KCNQ1: variants seen among roughly 807,000 people sequenced by gnomAD.
KCNQ1 encodes the protein potassium voltage-gated channel subfamily KQT member 1.
Under a neutral mutation model 72.4 loss-of-function variants are expected in KCNQ1, and 49 were observed. That is an observed-to-expected ratio of 0.68 (90% confidence interval 0.54 to 0.86). The LOEUF is 0.86. Among genes scored for constraint, KCNQ1 ranks in the 40% least tolerant of loss-of-function variants. The probability of loss-of-function intolerance (pLI) is 0.00; values close to 1 mark genes in which losing one functional copy is unlikely to be tolerated. For missense variants in KCNQ1, 790 were observed against 945.1 expected (o/e 0.84, Z 2.15); for synonymous variants, 450 against 412.6 (o/e 1.09, Z -1.10).
chr11:2,661,836 A>C lies in KCNQ1; in HGVS notation c.1394-125A>C, dbSNP rs2133855735. On this transcript the variant is annotated intron_variant, in intron 10 of 15. Transcript: ENST00000155840. This position sits in a 1 kb window ranked among gnomAD's most constrained non-coding sequence, Gnocchi z 5.9. ...ACACCCAACTATAAAACTGATTGTC[A>C]GGGCTGGAGCTTCCAGGCACAAGCT... The C allele has an allele frequency of 8.0e-7, 1 of 1,245,166 alleles. No individual in the cohort carries two copies. Among genetic ancestry groups the C allele is most frequent in the African/African-American group, 1.5e-5 (1 of 66,806 alleles). The allele number at this position is 1,245,166 out of a possible 1,614,324, so 77.1% of individuals were successfully genotyped here.
chr11:2,576,507 C>T (rs1185472372), intron 6 of KCNQ1, among the ~76,000 whole-genome samples: 2 of 152,244 alleles, frequency 1.3e-5, no homozygotes, highest in African/African-American at 4.8e-5. Context: ...TCTCTACAAA[C>T]AGGAGGCTGC....
chr11:2,777,899 C>T, intron 14 of KCNQ1, 77 bp from the exon 15 acceptor site: 1 of 1,304,966 alleles, frequency 7.7e-7, no homozygotes, highest in South Asian at 1.2e-5. Flanking sequence ...GCCCTACCAC[C>T]CCACTTCCCA....
chr11:2,705,254 G>A (rs894179261), intron 11 of KCNQ1, among the ~76,000 whole-genome samples: 2 of 152,204 alleles, frequency 1.3e-5, no homozygotes, highest in African/African-American at 4.8e-5. Context: ...GAGGCCAGAC[G>A]GGTGGGGGGT....
chr11:2,455,111 T>G (rs1846168567), intron 1 of KCNQ1, among the ~76,000 whole-genome samples: 1 of 151,984 alleles, frequency 6.6e-6, no homozygotes, highest in Admixed American at 6.6e-5. Context: ...TTTTTTTTTT[T>G]TTTTGAGATG....
chr11:2,700,748 C>T (rs1850793648), intron 11 of KCNQ1, among the ~76,000 whole-genome samples: 1 of 152,146 alleles, frequency 6.6e-6, no homozygotes, highest in African/African-American at 2.4e-5. Context: ...CGCCTGCCAG[C>T]GCCCGGCCGG....
At chr11:2,844,172 CT>C (rs1366765389) in intron 15 of KCNQ1, among the ~76,000 whole-genome samples, 1 of 152,224 alleles carries the variant, frequency 6.6e-6, no homozygotes, top group Non-Finnish European at 1.5e-5. Context: ...GGGTGGGACT[CT>C]TCAGGGACAC....
chr11:2,561,431 C>T (rs1031256748), intron 2 of KCNQ1, among the ~76,000 whole-genome samples: 2 of 152,222 alleles, frequency 1.3e-5, no homozygotes, highest in Non-Finnish European at 2.9e-5. Context: ...GGTCGCTTCC[C>T]TCTTGAGCAC....
At chr11:2,556,062 C>T (rs758227105) in intron 2 of KCNQ1, among the ~76,000 whole-genome samples, 24 of 152,186 alleles carry the variant, frequency 1.6e-4, no homozygotes, top group Non-Finnish European at 2.6e-4. Flanking sequence ...GAGGTGGGTT[C>T]GTTCTGAGGC....
chr11:2,540,975 GCA>G (rs904893252), intron 2 of KCNQ1, among the ~76,000 whole-genome samples: 6 of 152,232 alleles, frequency 3.9e-5, no homozygotes, highest in African/African-American at 1.2e-4. Flanking sequence ...GGATGCACAG[GCA>G]CACACGCACA....
intron 9 of KCNQ1, 109 bp downstream of exon 9, chr11:2,587,801 G>T: frequency 6.8e-7 from 1 of 1,477,366 alleles, no homozygotes; most frequent in Admixed American, 1.7e-5. Context: ...GCTTGGTACA[G>T]CCTGTGTCAG....
Position 2,626,032 on chromosome 11 carries a change from T to G in KCNQ1, c.1394-35929T>G. On this transcript the variant is annotated intron_variant, in intron 10 of 15. Coordinates refer to ENST00000155840, the MANE Select transcript of KCNQ1 (RefSeq NM_000218.3). The surrounding 1 kb of genome is among the most constrained non-coding windows in gnomAD (Gnocchi z 4.0). ...TGATATTATTTTAATGCACACAATG[T>G]AAATTTTTAAAATTTATCTAGTTTT... The G allele has an allele frequency of 2.5e-6, 1 of 398,648 alleles. No homozygotes were observed. Among genetic ancestry groups the G allele is most frequent in the East Asian group, 3.6e-5 (1 of 28,084 alleles). 24.7% of individuals were successfully genotyped at this position (398,648 alleles called of 1,614,324 possible).
intron 15 of KCNQ1, among the ~76,000 whole-genome samples, chr11:2,814,349 G>A (rs1371156581): frequency 6.6e-6 from 1 of 151,702 alleles, no homozygotes; most frequent in East Asian, 1.9e-4. Context: ...GTGGAGAGAT[G>A]GATGAATGGA....
At chr11:2,811,447 G>A (rs1847483928) in intron 15 of KCNQ1, among the ~76,000 whole-genome samples, 1 of 152,250 alleles carries the variant, frequency 6.6e-6, no homozygotes, top group South Asian at 2.1e-4. Flanking sequence ...GGGCCTGCAC[G>A]CATGAGGCTG....
intron 1 of KCNQ1, chr11:2,461,963 G>A: frequency 2.7e-6 from 1 of 372,986 alleles, no homozygotes. Context: ...GGGAAGGTCT[G>A]GAGAGGGCCT....
rs953833690 is a variant in KCNQ1, at chr11:2,580,194, C to T, written c.922-3241C>T. ...CCACTGGCCTCCCCCAACTGCTTGC[C>T]GCCCAGCCCCCCTCAGGCCAATTCC... On this transcript the variant is annotated intron_variant, in intron 6 of 15. Transcript: ENST00000155840. 3.3e-5 allele frequency among the ~76,000 whole-genome samples: 5 copies of T among 151,970 alleles called. No individual in the cohort carries two copies. In the South Asian group the frequency reaches 6.2e-4, roughly 19 times the overall value.
Position 2,668,815 on chromosome 11 carries a change from T to C in KCNQ1, c.1514+6734T>C, listed in dbSNP as rs565493780. 1.0e-5 allele frequency: 4 copies of C among 398,638 alleles called. No individual in the cohort carries two copies. The Admixed American group carries it at 1.8e-4, about 18-fold the overall frequency. The allele number at this position is 398,638 out of a possible 1,614,324, so 24.7% of individuals were successfully genotyped here. On this transcript the variant is annotated intron_variant, in intron 11 of 15. Coordinates refer to ENST00000155840, the MANE Select transcript of KCNQ1 (RefSeq NM_000218.3). This position sits in a 1 kb window ranked among gnomAD's most constrained non-coding sequence, Gnocchi z 4.3. Reference sequence around the variant, plus strand: ...AGGTCTTAATTTTCATGTGGTCCAGTTAATCAAACATTTCCTCTCTGGATA... The same window carrying C: ...AGGTCTTAATTTTCATGTGGTCCAGCTAATCAAACATTTCCTCTCTGGATA...
At chr11:2,632,978 T>C (rs1202453962) in intron 10 of KCNQ1, 1 of 398,510 alleles carries the variant, frequency 2.5e-6, no homozygotes, top group East Asian at 3.6e-5. Flanking sequence ...TTTTAGTTTT[T>C]TTGACAAAAC....
chr11:2,737,793 C>T lies in KCNQ1; in HGVS notation c.1515-31051C>T, dbSNP rs537927034. Among the ~76,000 whole-genome samples the T allele has an allele frequency of 1.5e-3, 224 of 152,270 alleles. 2 individuals carry two copies. The highest frequency in any genetic ancestry group is 5.0e-3 in the African/African-American group (209 of 41,554). On this transcript the variant is annotated intron_variant, in intron 11 of 15. Transcript: ENST00000155840. ...GGGAGAGTGGGGCTGCAGCAGGGTG[C>T]GACCGTCACAGCCCTAACTCTGTGA... is the stretch of plus-strand genomic sequence containing the variant.
At chr11:2,731,219 G>T (rs1845853728) in intron 11 of KCNQ1, among the ~76,000 whole-genome samples, 1 of 152,178 alleles carries the variant, frequency 6.6e-6, no homozygotes. Context: ...ATTCCTCAAG[G>T]CCTGAGTCAG....
Sources: allele counts gnomAD v4.1 joint callset (sites outside exome capture counted in the v4.1 genomes callset), GRCh38; gene constraint gnomAD v4.1.1; non-coding constraint Gnocchi (gnomAD v3.1); transcripts MANE v1.5; gene names NCBI Gene and HGNC (gene_info 2026-07-23, HGNC 2026-07-21).